The following DYNC2H1 variants were observed in gnomAD, a reference collection of about 807,000 sequenced individuals.
The protein encoded by DYNC2H1 is dynein cytoplasmic 2 heavy chain 1.
In DYNC2H1, 410 loss-of-function variants were observed where a neutral mutation model predicts 570.0. The ratio of observed to expected loss-of-function variants is 0.72; its 90% CI spans 0.66 to 0.78. The LOEUF is 0.78. Among genes scored for constraint, DYNC2H1 ranks in the 30% least tolerant of loss-of-function variants. The pLI is 0.00. For missense variants in DYNC2H1, 4,865 were observed against 5,046.4 expected (o/e 0.96, Z 1.09); for synonymous variants, 1,688 against 1,677.6 (o/e 1.01, Z -0.15).
rs114768427 is a variant in DYNC2H1 at position 103,252,938 on chromosome 11, G to T, written c.10043-347G>T. On this transcript the variant is annotated intron_variant, in intron 65 of 88. Transcript: ENST00000375735. This position sits in a 1 kb window ranked among gnomAD's most constrained non-coding sequence, Gnocchi z 4.6. The stretch of plus-strand genomic sequence containing the variant: ...TTAAAATGATGAATTTAGAAGTAAA[G>T]AAAAAATATAATTGAGGATTTCTAT... 0.01 allele frequency among the ~76,000 whole-genome samples: 1,575 copies of T among 152,114 alleles called. 26 individuals carry two copies. Among genetic ancestry groups the T allele is most frequent in the African/African-American group, 0.036 (1,504 of 41,510 alleles).
chr11:103,369,491 G>T lies in DYNC2H1; in HGVS notation c.12156+11132G>T, dbSNP rs774006247. On this transcript the variant is annotated intron_variant, in intron 83 of 88. Coordinates refer to ENST00000375735, the MANE Select transcript of DYNC2H1 (RefSeq NM_001377.3). The surrounding 1 kb of genome is among the most constrained non-coding windows in gnomAD (Gnocchi z 4.0). ...TGAGGCACCTGCTGGGGCAGCTAAG[G>T]GAATGCTGGCATCACCCCTCTCCTA... 1.3e-5 allele frequency among the ~76,000 whole-genome samples: 2 copies of T among 152,130 alleles called. No homozygotes were observed. Among genetic ancestry groups the T allele is most frequent in the African/African-American group, 4.8e-5 (2 of 41,442 alleles).
chr11:103,311,825 A>G (rs543865417), intron 78 of DYNC2H1, 53 bp from the exon 79 acceptor site: 6 of 1,502,920 alleles, frequency 4.0e-6, no homozygotes, highest in South Asian at 1.3e-5. Flanking sequence ...AAAATCTAAT[A>G]TATTTTACTT....
intron 84 of DYNC2H1, chr11:103,407,994 T>G (rs1942931760): frequency 6.6e-6 from 1 of 151,978 alleles, no homozygotes; most frequent in Non-Finnish European, 1.5e-5. Context: ...ATGCACTGAT[T>G]CGTACATAAT....
At chr11:103,449,550 C>G (rs546537763) in intron 85 of DYNC2H1, among the ~76,000 whole-genome samples, 7 of 152,274 alleles carry the variant, frequency 4.6e-5, no homozygotes, top group African/African-American at 1.7e-4. Flanking sequence ...TTGTCTTACA[C>G]TCAACCACGT....
chr11:103,342,302 A>G (rs1939487392), intron 82 of DYNC2H1, among the ~76,000 whole-genome samples: 1 of 152,138 alleles, frequency 6.6e-6, no homozygotes, highest in Non-Finnish European at 1.5e-5. Context: ...AAATGGACCA[A>G]TCAGCACCCT....
rs779125463 is a variant in DYNC2H1 at position 103,184,940 on chromosome 11, T to C, written c.6522T>C (p.Asn2174=). Residue 2174 remains asparagine (N), a synonymous_variant, in exon 41 of 89, where the codon AAT becomes AAC. Transcript: ENST00000375735. ...CAAGTTTGGTTGGGACTGTGATGAATGGTTTGTCACATCTACATGGTTGCA... is the reference window on the plus strand; with the variant it reads ...CAAGTTTGGTTGGGACTGTGATGAACGGTTTGTCACATCTACATGGTTGCA... ...VETSLVGTVM[N]GLSHLHGCRD... The C allele has an allele frequency of 6.2e-7, 1 of 1,611,240 alleles. No homozygotes were observed. The highest frequency in any genetic ancestry group is 8.5e-7 in the Non-Finnish European group (1 of 1,178,050).
intron 62 of DYNC2H1, 41 bp from the exon 63 acceptor site, chr11:103,236,389 A>G: frequency 8.7e-7 from 1 of 1,155,158 alleles, no homozygotes; most frequent in Non-Finnish European, 1.3e-6. Flanking sequence ...CATCAAGTAC[A>G]AGATCGTTGT....
At chr11:103,226,177 C>T (rs565653888) in intron 59 of DYNC2H1, among the ~76,000 whole-genome samples, 9 of 152,142 alleles carry the variant, frequency 5.9e-5, no homozygotes, top group South Asian at 2.1e-4. Context: ...GTTTAGCTTC[C>T]GCTTTACCAA....
Position 103,187,545 on chromosome 11 carries a change from G to C in DYNC2H1, c.7099G>C (p.Asp2367His). Residue 2367 changes from aspartate (D) to histidine (H), a missense_variant, in exon 43 of 89, where the codon GAT becomes CAT. Asp to His is a moderately conservative substitution (Grantham distance 81, BLOSUM62 -1). Around this residue, in one of 5 missense-constraint regions of DYNC2H1, gnomAD observed 2,401 missense variants for 2,454.6 expected, o/e 0.98. Coordinates refer to ENST00000375735, the MANE Select transcript of DYNC2H1 (RefSeq NM_001377.3). The stretch of plus-strand genomic sequence containing the variant: ...AAAAGATATCAACCTACCTAAACTT[G>C]ATAAATGGGGGACCAGTACTTTGGT... ...YLKDINLPKLDKWGTSTLVAF... is the reference protein window; with the variant it reads ...YLKDINLPKLHKWGTSTLVAF... The C allele has an allele frequency of 6.2e-7, 1 of 1,613,132 alleles. No individual in the cohort carries two copies. Among genetic ancestry groups the C allele is most frequent in the Non-Finnish European group, 8.5e-7 (1 of 1,179,406 alleles).
intron 84 of DYNC2H1, among the ~76,000 whole-genome samples, chr11:103,412,172 T>C (rs1311001028): frequency 6.6e-6 from 1 of 151,784 alleles, no homozygotes; most frequent in Non-Finnish European, 1.5e-5. Flanking sequence ...TTTGTTACAT[T>C]TGAATGTGAC....
rs1938404057 is a variant in DYNC2H1, at chr11:103,325,088, G to A, written c.12039+1098G>A. On this transcript the variant is annotated intron_variant, in intron 82 of 88. Transcript: ENST00000375735. This position sits in a 1 kb window ranked among gnomAD's most constrained non-coding sequence, Gnocchi z 4.8. ...GTTTTTTGCTTGTTAATTTCTTTAA[G>A]TTCCTTATAGATTCTGGACATTGGA... Among the ~76,000 whole-genome samples, 1 of 152,002 alleles carries A rather than the reference G, an allele frequency of 6.6e-6. No homozygotes were observed. The highest frequency in any genetic ancestry group is 2.4e-5 in the African/African-American group (1 of 41,394).
At chr11:103,149,439 A>G (rs1295044490) in intron 20 of DYNC2H1, among the ~76,000 whole-genome samples, 2 of 152,234 alleles carry the variant, frequency 1.3e-5, no homozygotes, top group Non-Finnish European at 2.9e-5. Context: ...AGGAGAAATA[A>G]TTCAAATTAG....
chr11:103,453,913 T>C (rs1278251924), intron 85 of DYNC2H1, among the ~76,000 whole-genome samples: 1 of 151,970 alleles, frequency 6.6e-6, no homozygotes, highest in Non-Finnish European at 1.5e-5. Flanking sequence ...TATTATTTAA[T>C]TGAAAATACT....
rs754016730 is a variant in DYNC2H1, at chr11:103,128,996, G to A, written c.1944G>A (p.Gln648=). The change falls in exon 13 of 89, where the codon CAG becomes CAA. Residue 648 remains glutamine (Q), a synonymous_variant. Coordinates refer to ENST00000375735, the MANE Select transcript of DYNC2H1 (RefSeq NM_001377.3). ...MMLQSALAFE[Q]IIKNSKAGSG... ...TACAATCTGCCTTAGCATTTGAACA[G>A]ATAATTAAGGTAAATGGGCTTTTAA... 10 of 1,600,590 alleles carry A rather than the reference G, an allele frequency of 6.2e-6. 1 individual carries two copies. Among genetic ancestry groups the A allele is most frequent in the Non-Finnish European group, 7.7e-6 (9 of 1,174,300 alleles).
At chr11:103,427,944 GA>G (rs1943730970) in intron 84 of DYNC2H1, among the ~76,000 whole-genome samples, 1 of 151,532 alleles carries the variant, frequency 6.6e-6, no homozygotes, top group African/African-American at 2.4e-5. Flanking sequence ...CCAAGAAACA[GA>G]ACCAGATTAT....
At chr11:103,328,358 T>C (rs1431560076) in intron 82 of DYNC2H1, among the ~76,000 whole-genome samples, 1 of 152,238 alleles carries the variant, frequency 6.6e-6, no homozygotes, top group Non-Finnish European at 1.5e-5. Flanking sequence ...AAGATGTATA[T>C]GCAACTGAAC....
intron 19 of DYNC2H1, 45 bp downstream of exon 19, chr11:103,147,932 A>T (rs1045948319): frequency 7.7e-7 from 1 of 1,295,610 alleles, no homozygotes; most frequent in South Asian, 1.3e-5. Context: ...TTTGATATGT[A>T]GAAGCATGTA....
Position 103,162,942 on chromosome 11 carries a change from A to G in DYNC2H1, c.4492-86A>G, listed in dbSNP as rs1591341662. 4.9e-6 allele frequency: 6 copies of G among 1,221,984 alleles called. No homozygotes were observed. The African/African-American group carries it at 9.2e-5, about 19-fold the overall frequency. The allele number at this position is 1,221,984 out of a possible 1,614,324, so 75.7% of individuals were successfully genotyped here. On this transcript the variant is annotated intron_variant, in intron 29 of 88. Coordinates refer to ENST00000375735, the MANE Select transcript of DYNC2H1 (RefSeq NM_001377.3). ...TGAAATAACAGTATAGAGTTAGTAGATTGTATATTTATTTTATGTCTTATA... is the reference window on the plus strand; with the variant it reads ...TGAAATAACAGTATAGAGTTAGTAGGTTGTATATTTATTTTATGTCTTATA...
chr11:103,322,579 T>C (rs313394), intron 81 of DYNC2H1, among the ~76,000 whole-genome samples: 66,569 of 151,948 alleles, frequency 0.44, 15,811 homozygotes, highest in Admixed American at 0.57. Context: ...TATATATATT[T>C]TTATGTACAA....
Sources: allele counts gnomAD v4.1 joint callset (sites outside exome capture counted in the v4.1 genomes callset), GRCh38; gene constraint gnomAD v4.1.1; regional missense constraint gnomAD v4.1.1; non-coding constraint Gnocchi (gnomAD v3.1); transcripts MANE v1.5; gene names NCBI Gene and HGNC (gene_info 2026-07-23, HGNC 2026-07-21).